Variants in PIK3C2G observed in about 807,000 individuals in gnomAD.
PIK3C2G encodes the protein phosphatidylinositol 3-kinase C2 domain-containing subunit gamma.
In PIK3C2G, 168 loss-of-function variants were observed where a neutral mutation model predicts 181.1. The ratio of observed to expected loss-of-function variants is 0.93; its 90% CI spans 0.82 to 1.05. The LOEUF is 1.05. PIK3C2G is among the 50% of genes least tolerant of loss of function. The probability of loss-of-function intolerance (pLI) is 0.00; values close to 1 mark genes in which losing one functional copy is unlikely to be tolerated. For missense variants in PIK3C2G, 1,869 were observed against 1,732.8 expected, an observed-to-expected ratio of 1.08 and a Z score of -1.40; for synonymous variants, 573 against 592.2, an observed-to-expected ratio of 0.97 and a Z score of 0.47.
intron 32 of PIK3C2G, among the ~76,000 whole-genome samples, chr12:18,643,411 A>G (rs544755000): frequency 6.6e-6 from 1 of 152,188 alleles, no homozygotes; most frequent in East Asian, 1.9e-4. Flanking sequence ...AATTTGAAGT[A>G]GTGTGTGTAT....
intron 1 of PIK3C2G, among the ~76,000 whole-genome samples, chr12:18,280,307 A>G (rs1490233007): frequency 2.0e-5 from 3 of 152,176 alleles, no homozygotes; most frequent in Non-Finnish European, 2.9e-5. Flanking sequence ...GAAATAGTAC[A>G]TATGTAATTA....
At chr12:18,440,506 T>C in intron 18 of PIK3C2G, among the ~76,000 whole-genome samples, 1 of 152,060 alleles carries the variant, frequency 6.6e-6, no homozygotes, top group East Asian at 1.9e-4. Flanking sequence ...GAAAAGGCCT[T>C]ATTAAAAAGG....
rs778662625 is a variant in PIK3C2G, at chr12:18,346,644, T to C, written c.1433T>C (p.Leu478Ser). ...YQSSETSAKGLIEKVTTELST... is the reference protein window; with the variant it reads ...YQSSETSAKGSIEKVTTELST... ...ATCTCTATCTCTTCCTTTCTAGGCT[T>C]GATAGAGAAGGTAACAACTGAACTA... The change falls in exon 11 of 33, where the codon TTG becomes TCG. Residue 478 changes from leucine (L) to serine (S), a missense_variant. Physicochemically the swap from Leu to Ser is moderately radical, Grantham distance 145. Coordinates refer to ENST00000538779, the MANE Select transcript of PIK3C2G (RefSeq NM_001288772.2). The C allele has an allele frequency of 6.3e-7, 1 of 1,591,126 alleles. No individual in the cohort carries two copies. Among genetic ancestry groups the C allele is most frequent in the South Asian group, 1.1e-5 (1 of 88,738 alleles).
At chr12:18,540,864 T>C (rs1944114654) in intron 25 of PIK3C2G, among the ~76,000 whole-genome samples, 1 of 151,842 alleles carries the variant, frequency 6.6e-6, no homozygotes, top group Admixed American at 6.6e-5. Flanking sequence ...AACAGCACTG[T>C]GTTATTACCT....
At chr12:18,416,523 T>G (rs1945190277) in intron 16 of PIK3C2G, among the ~76,000 whole-genome samples, 1 of 152,212 alleles carries the variant, frequency 6.6e-6, no homozygotes, top group Non-Finnish European at 1.5e-5. Context: ...GCTGACTCTC[T>G]TGTTAGGACT....
chr12:18,529,743 G>A (rs530708478), intron 24 of PIK3C2G, among the ~76,000 whole-genome samples: 4 of 152,074 alleles, frequency 2.6e-5, no homozygotes, highest in Non-Finnish European at 2.9e-5. Context: ...TTAATATTGT[G>A]TTTTAAAATA....
chr12:18,541,244 C>T (rs1269469992), intron 25 of PIK3C2G, among the ~76,000 whole-genome samples: 1 of 151,906 alleles, frequency 6.6e-6, no homozygotes, highest in Non-Finnish European at 1.5e-5. Flanking sequence ...GAGTTAATGG[C>T]TCATCCTTAG....
At chr12:18,367,082 G>A (rs973517106) in intron 12 of PIK3C2G, among the ~76,000 whole-genome samples, 6 of 152,190 alleles carry the variant, frequency 3.9e-5, no homozygotes, top group South Asian at 2.1e-4. Flanking sequence ...GAAGAAGCCA[G>A]ACTTAATGGG....
chr12:18,269,912 C>CTTTTT (rs367550750), intron 1 of PIK3C2G, among the ~76,000 whole-genome samples: 2 of 136,930 alleles, frequency 1.5e-5, no homozygotes, highest in Non-Finnish European at 1.6e-5. Flanking sequence ...TTTTTCTTTT[C>CTTTTT]TTTTTTTTTT....
At chr12:18,274,611 C>T (rs1053649684) in intron 1 of PIK3C2G, among the ~76,000 whole-genome samples, 1 of 152,080 alleles carries the variant, frequency 6.6e-6, no homozygotes, top group Middle Eastern at 3.4e-3. Context: ...AATGAGAACA[C>T]ATGGACACAG....
chr12:18,260,816 G>A (rs1948212957), upstream of PIK3C2G, among the ~76,000 whole-genome samples: 1 of 151,872 alleles, frequency 6.6e-6, no homozygotes, highest in African/African-American at 2.4e-5. Flanking sequence ...TATTTTACCT[G>A]GATTTAATTA....
intron 18 of PIK3C2G, among the ~76,000 whole-genome samples, chr12:18,441,486 A>G (rs902918254): frequency 6.6e-6 from 1 of 152,136 alleles, no homozygotes; most frequent in Non-Finnish European, 1.5e-5. Flanking sequence ...AGACGGAAGA[A>G]AGAATTTCTG....
intron 15 of PIK3C2G, 84 bp downstream of exon 15, chr12:18,391,336 G>T (rs1300860406): frequency 2.0e-6 from 2 of 1,007,116 alleles, no homozygotes; most frequent in Admixed American, 5.6e-5. Context: ...TAGCTTCAAA[G>T]AGTGAGTGTT....
chr12:18,549,866 C>T (rs1373525067), intron 26 of PIK3C2G, among the ~76,000 whole-genome samples: 1 of 151,958 alleles, frequency 6.6e-6, no homozygotes. Context: ...AGCTGACTTC[C>T]TGGAAGTCAC....
the PIK3C2G span, chr12:18,694,982 G>T: frequency 3.1e-6 from 5 of 1,609,322 alleles, no homozygotes; most frequent in African/African-American, 1.3e-5. Context: ...TCTCTCTTAA[G>T]AAATGTGGTT....
chr12:18,282,905 T>C, intron 2 of PIK3C2G, 146 bp downstream of exon 2: 1 of 470,372 alleles, frequency 2.1e-6, no homozygotes, highest in South Asian at 6.8e-5. Context: ...ACAAATGATG[T>C]GTTCTTGTAT....
intron 13 of PIK3C2G, among the ~76,000 whole-genome samples, chr12:18,372,223 G>C (rs1239860716): frequency 6.6e-6 from 1 of 151,804 alleles, no homozygotes; most frequent in Non-Finnish European, 1.5e-5. Flanking sequence ...GTGGGCACGT[G>C]TGTGTGTGTT....
At chr12:18,261,514 G>C (rs1045278616), upstream of PIK3C2G, 1 of 152,080 alleles carries the variant, frequency 6.6e-6, no homozygotes, top group Admixed American at 6.6e-5. Flanking sequence ...TAGCTTGTGT[G>C]AGCGTATTTG....
chr12:18,269,802 T>C (rs111244960), intron 1 of PIK3C2G, among the ~76,000 whole-genome samples: 202 of 152,040 alleles, frequency 1.3e-3, no homozygotes, highest in African/African-American at 4.7e-3. Flanking sequence ...TTAAATAAAA[T>C]AGACAAAAAT....
Sources: gnomAD v4.1 joint callset for allele counts (sites outside exome capture counted in the v4.1 genomes callset) on GRCh38, gnomAD v4.1.1 for gene constraint, MANE v1.5 for transcripts, NCBI Gene and HGNC (gene_info 2026-07-23, HGNC 2026-07-21) for gene names.